DLG2: variants seen among roughly 807,000 people sequenced by gnomAD.
DLG2 encodes disks large homolog 2.
Under a neutral mutation model 132.5 loss-of-function variants are expected in DLG2, and 45 were observed. That is an observed-to-expected ratio of 0.34 (90% CI 0.27 to 0.44). DLG2 has a LOEUF of 0.44. Among genes scored for constraint, DLG2 ranks in the 20% least tolerant of loss-of-function variants. The pLI is 1.00. For synonymous variants in DLG2, 424 were observed against 419.6 expected, an observed-to-expected ratio of 1.01 and a Z score of -0.13; for missense variants, 1,045 against 1,196.9, an observed-to-expected ratio of 0.87 and a Z score of 1.87.
intron 6 of DLG2, among the ~76,000 whole-genome samples, chr11:84,789,932 T>G (rs141264058): frequency 2.6e-5 from 4 of 152,194 alleles, no homozygotes; most frequent in African/African-American, 4.8e-5. Context: ...CTTTTTATAG[T>G]TGAACAGTAC....
chr11:85,546,798 A>AG (rs2076355662), intron 3 of DLG2, among the ~76,000 whole-genome samples: 1 of 144,484 alleles, frequency 6.9e-6, no homozygotes, highest in Non-Finnish European at 1.5e-5. Context: ...GTTTTATCAG[A>AG]GACTAGGATA....
intron 6 of DLG2, among the ~76,000 whole-genome samples, chr11:84,974,358 T>A (rs2054565106): frequency 6.6e-6 from 1 of 152,210 alleles, no homozygotes; most frequent in Non-Finnish European, 1.5e-5. Flanking sequence ...TCAAGCCTTT[T>A]GAATCCCAGT....
At chr11:84,424,739 A>AAGG in intron 7 of DLG2, among the ~76,000 whole-genome samples, 1 of 152,220 alleles carries the variant, frequency 6.6e-6, no homozygotes, top group East Asian at 1.9e-4. Flanking sequence ...GGGTGGGTAG[A>AAGG]AGGACATTAT....
intron 3 of DLG2, among the ~76,000 whole-genome samples, chr11:85,559,245 G>A (rs570788967): frequency 2.7e-5 from 4 of 150,070 alleles, no homozygotes; most frequent in Non-Finnish European, 4.4e-5. Context: ...TCTGCCTCCC[G>A]GGTTCAAGTG....
In DLG2 at chr11:84,098,940, T is replaced by A. The variant is rs1200401026; in HGVS notation, c.732A>T (p.Ala244=). 2 of 1,613,362 alleles carry A rather than the reference T, an allele frequency of 1.2e-6. No individual in the cohort carries two copies. The highest frequency in any genetic ancestry group is 4.5e-5 in the East Asian group (2 of 44,844). ...ATCTTTACCTGAGTCTGCCATCCTC[T>A]GCTGCAGCACCTCCTGGTATAATCT... The part of the protein sequence containing the change: ...ITKIIPGGAA[A]EDGRLRVNDC... Residue 244 remains alanine (A), a synonymous_variant, in exon 10 of 28, where the codon GCA becomes GCT. Transcript: ENST00000376104.
At chr11:84,037,319 G>GA (rs2095894000) in intron 11 of DLG2, among the ~76,000 whole-genome samples, 1 of 151,992 alleles carries the variant, frequency 6.6e-6, no homozygotes, top group African/African-American at 2.4e-5. Flanking sequence ...CAATTCATCA[G>GA]AAAATCAAAG....
chr11:84,852,029 T>G (rs1454445735), intron 6 of DLG2, among the ~76,000 whole-genome samples: 1 of 152,034 alleles, frequency 6.6e-6, no homozygotes, highest in East Asian at 1.9e-4. Context: ...ATGAACCGAT[T>G]TGACAGCTCA....
chr11:84,787,513 G>A (rs958751731), intron 6 of DLG2, among the ~76,000 whole-genome samples: 1 of 151,974 alleles, frequency 6.6e-6, no homozygotes, highest in African/African-American at 2.4e-5. Context: ...TCTCTACTAT[G>A]AGGAAGAAAT....
At chr11:84,118,890 A>G (rs2093769535) in intron 9 of DLG2, among the ~76,000 whole-genome samples, 1 of 152,214 alleles carries the variant, frequency 6.6e-6, no homozygotes, top group Non-Finnish European at 1.5e-5. Context: ...TAGGCAGGTT[A>G]ATAATTCTCA....
chr11:84,719,811 A>G (rs2061595142), intron 6 of DLG2, among the ~76,000 whole-genome samples: 1 of 152,158 alleles, frequency 6.6e-6, no homozygotes, highest in African/African-American at 2.4e-5. Flanking sequence ...CTAGCTCCAG[A>G]TTTTCTGTCT....
chr11:84,040,606 C>T (rs2096046280), intron 11 of DLG2, among the ~76,000 whole-genome samples: 1 of 151,988 alleles, frequency 6.6e-6, no homozygotes, highest in Admixed American at 6.6e-5. Flanking sequence ...CAGTACCATG[C>T]TGTTTTGGTT....
intron 9 of DLG2, among the ~76,000 whole-genome samples, chr11:84,115,826 A>G (rs1428598876): frequency 6.6e-6 from 1 of 152,136 alleles, no homozygotes; most frequent in Non-Finnish European, 1.5e-5. Flanking sequence ...TATTTTGTTA[A>G]CTGCATATAT....
At chr11:85,628,238 G>T (rs555471783), upstream of DLG2, among the ~76,000 whole-genome samples, 1 of 152,314 alleles carries the variant, frequency 6.6e-6, no homozygotes, top group South Asian at 2.1e-4. Context: ...GACTGAAAGG[G>T]GCAGGCAGCT....
chr11:85,095,981 G>A (rs1342080050), intron 6 of DLG2, among the ~76,000 whole-genome samples: 1 of 152,164 alleles, frequency 6.6e-6, no homozygotes, highest in African/African-American at 2.4e-5. Flanking sequence ...TCTAGCTAAA[G>A]GATTGTAAAT....
intron 6 of DLG2, among the ~76,000 whole-genome samples, chr11:84,892,984 C>T (rs1461008097): frequency 6.6e-6 from 1 of 152,144 alleles, no homozygotes; most frequent in South Asian, 2.1e-4. Flanking sequence ...AGAAGTTACA[C>T]AGACTAGGGT....
At chr11:83,916,741 C>G (rs1248710525) in intron 15 of DLG2, among the ~76,000 whole-genome samples, 2 of 152,142 alleles carry the variant, frequency 1.3e-5, no homozygotes, top group African/African-American at 4.8e-5. Flanking sequence ...CACTGTTAAC[C>G]TGAGGTAAGT....
At chr11:85,584,618 C>G (rs2078846583) in intron 3 of DLG2, among the ~76,000 whole-genome samples, 1 of 152,064 alleles carries the variant, frequency 6.6e-6, no homozygotes, top group South Asian at 2.1e-4. Flanking sequence ...AGTCTACATC[C>G]CCACCAGCAG....
intron 19 of DLG2, among the ~76,000 whole-genome samples, chr11:83,601,128 A>G (rs1167632594): frequency 6.6e-6 from 1 of 152,220 alleles, no homozygotes; most frequent in Non-Finnish European, 1.5e-5. Flanking sequence ...CAGATGCTCA[A>G]TAAATGTTTA....
At chr11:83,855,350 A>C (rs1176627746) in intron 16 of DLG2, among the ~76,000 whole-genome samples, 1 of 152,200 alleles carries the variant, frequency 6.6e-6, no homozygotes, top group South Asian at 2.1e-4. Context: ...ACATGTCCAC[A>C]AAAAAACCTG....
Sources: gnomAD v4.1 joint callset for allele counts (sites outside exome capture counted in the v4.1 genomes callset) on GRCh38, gnomAD v4.1.1 for gene constraint, MANE v1.5 for transcripts, NCBI Gene and HGNC (gene_info 2026-07-23, HGNC 2026-07-21) for gene names.